ROBO1: variants seen among roughly 807,000 people sequenced by gnomAD.
The protein encoded by ROBO1 is roundabout guidance receptor 1.
In ROBO1, 149 loss-of-function variants were observed where a neutral mutation model predicts 195.9. The ratio of observed to expected loss-of-function variants is 0.76; its 90% CI spans 0.67 to 0.87. The LOEUF is 0.87. ROBO1 is among the 40% of genes least tolerant of loss of function. The pLI, the probability that ROBO1 is intolerant of heterozygous loss-of-function variation, is 0.00. For missense variants in ROBO1, 1,933 were observed against 2,068.3 expected, an observed-to-expected ratio of 0.93 and a Z score of 1.27; for synonymous variants, 816 against 733.2, an observed-to-expected ratio of 1.11 and a Z score of -1.82.
intron 1 of ROBO1, among the ~76,000 whole-genome samples, chr3:79,702,363 T>A (rs1947644598): frequency 6.6e-6 from 1 of 151,896 alleles, no homozygotes; most frequent in Non-Finnish European, 1.5e-5. Flanking sequence ...TGAGGGGATT[T>A]ATAAAGTCCT....
intron 1 of ROBO1, among the ~76,000 whole-genome samples, chr3:79,721,423 T>C (rs2107296674): frequency 6.6e-6 from 1 of 152,300 alleles, no homozygotes; most frequent in East Asian, 1.9e-4. Context: ...ATAAAACTCA[T>C]GAATCTTTAA....
intron 4 of ROBO1, among the ~76,000 whole-genome samples, chr3:78,874,271 T>A (rs938619193): frequency 6.6e-6 from 1 of 151,946 alleles, no homozygotes; most frequent in Admixed American, 6.6e-5. Flanking sequence ...AAATACACCT[T>A]TATTTCATTA....
At chr3:79,030,877 ACAC>A (rs2078283417) in intron 3 of ROBO1, among the ~76,000 whole-genome samples, 1 of 152,086 alleles carries the variant, frequency 6.6e-6, no homozygotes, top group African/African-American at 2.4e-5. Context: ...ACGCACTGCC[ACAC>A]CCAGCTAATT....
At chr3:79,222,239 T>G (rs2082153305) in intron 2 of ROBO1, among the ~76,000 whole-genome samples, 1 of 152,100 alleles carries the variant, frequency 6.6e-6, no homozygotes, top group South Asian at 2.1e-4. Flanking sequence ...AAATATTTCA[T>G]GTGTGATGTA....
intron 3 of ROBO1, among the ~76,000 whole-genome samples, chr3:79,104,710 A>G (rs2079744850): frequency 6.6e-6 from 1 of 151,760 alleles, no homozygotes. Context: ...CTACTTTACT[A>G]GATTATTGTA....
intron 2 of ROBO1, among the ~76,000 whole-genome samples, chr3:79,491,085 T>C (rs1453261833): frequency 6.6e-6 from 1 of 152,094 alleles, no homozygotes; most frequent in Admixed American, 6.5e-5. Flanking sequence ...TATTGTGTTG[T>C]GCAGGAGCCT....
chr3:79,174,237 G>A (rs559683916), intron 2 of ROBO1, among the ~76,000 whole-genome samples: 1 of 151,984 alleles, frequency 6.6e-6, no homozygotes, highest in African/African-American at 2.4e-5. Context: ...CACTCACTGC[G>A]AAGGTCTGCA....
intron 2 of ROBO1, among the ~76,000 whole-genome samples, chr3:79,578,996 A>G (rs1943577783): frequency 6.6e-6 from 1 of 152,116 alleles, no homozygotes; most frequent in African/African-American, 2.4e-5. Flanking sequence ...TGTCAGCTCA[A>G]TTTCCCTCTA....
intron 2 of ROBO1, among the ~76,000 whole-genome samples, chr3:79,416,514 G>A (rs1401156153): frequency 6.6e-6 from 1 of 150,974 alleles, no homozygotes; most frequent in African/African-American, 2.4e-5. Context: ...AGGCTGATGT[G>A]GGACGATTGT....
At chr3:79,627,007 C>G (rs1248623069) in intron 1 of ROBO1, among the ~76,000 whole-genome samples, 1 of 151,110 alleles carries the variant, frequency 6.6e-6, no homozygotes, top group Admixed American at 6.6e-5. Context: ...AAGGGATGAC[C>G]TAAACAGAAA....
Position 78,711,677 on chromosome 3 carries a change from TG to T in ROBO1, c.1045+2719del, listed in dbSNP as rs553073796. Reference sequence around the variant, plus strand: ...ATTTTTTTTGTATTTTTGGTAGAAATGGGGTTTCACCATGTTAGTCAGGCCG... The same window carrying T: ...ATTTTTTTTGTATTTTTGGTAGAAATGGGTTTCACCATGTTAGTCAGGCCG... On this transcript the variant is annotated intron_variant, in intron 8 of 30. Coordinates refer to ENST00000464233, the MANE Select transcript of ROBO1 (RefSeq NM_002941.4). Among the ~76,000 whole-genome samples, 19 of 149,928 alleles carry T rather than the reference TG, an allele frequency of 1.3e-4. No homozygotes were observed. The South Asian group carries it at 3.8e-3, about 30-fold the overall frequency.
chr3:79,312,864 A>T (rs1385036635), intron 2 of ROBO1, among the ~76,000 whole-genome samples: 8 of 152,232 alleles, frequency 5.3e-5, no homozygotes, highest in Admixed American at 5.2e-4. Context: ...CTAATTCAGC[A>T]TATTAAATAT....
intron 26 of ROBO1, among the ~76,000 whole-genome samples, chr3:78,618,783 T>C (rs1439119299): frequency 1.3e-5 from 2 of 152,040 alleles, no homozygotes; most frequent in Non-Finnish European, 2.9e-5. Flanking sequence ...AGAACCAGAG[T>C]TGAGGACAAA....
chr3:79,004,975 C>G (rs2077587937), intron 3 of ROBO1, among the ~76,000 whole-genome samples: 1 of 152,190 alleles, frequency 6.6e-6, no homozygotes, highest in Admixed American at 6.5e-5. Context: ...CCAATATATT[C>G]TCACTACATT....
chr3:78,946,761 C>T (rs1370907641), intron 3 of ROBO1, among the ~76,000 whole-genome samples: 3 of 152,144 alleles, frequency 2.0e-5, no homozygotes, highest in African/African-American at 7.2e-5. Context: ...CATCAGTGTG[C>T]TGTATTCAGG....
At chr3:79,190,876 C>A (rs2081528313) in intron 2 of ROBO1, among the ~76,000 whole-genome samples, 1 of 151,344 alleles carries the variant, frequency 6.6e-6, no homozygotes, top group African/African-American at 2.4e-5. Context: ...GGAATGAATG[C>A]AAAAAAATCA....
chr3:79,471,368 C>T (rs933657028), intron 2 of ROBO1, among the ~76,000 whole-genome samples: 1 of 152,074 alleles, frequency 6.6e-6, no homozygotes, highest in Non-Finnish European at 1.5e-5. Context: ...AAGAGACAAC[C>T]TATAAAACAG....
At chr3:78,787,021 G>A (rs971850647) in intron 4 of ROBO1, among the ~76,000 whole-genome samples, 4 of 152,136 alleles carry the variant, frequency 2.6e-5, no homozygotes, top group Non-Finnish European at 5.9e-5. Context: ...TCCACCTTCA[G>A]TTCATAGCAG....
At chr3:79,313,824 T>A (rs1241320907) in intron 2 of ROBO1, among the ~76,000 whole-genome samples, 1 of 152,178 alleles carries the variant, frequency 6.6e-6, no homozygotes, top group East Asian at 1.9e-4. Flanking sequence ...TTAAAAAGGC[T>A]TTTATGCTAT....
Sources: gnomAD v4.1 joint callset for allele counts (sites outside exome capture counted in the v4.1 genomes callset) on GRCh38, gnomAD v4.1.1 for gene constraint, MANE v1.5 for transcripts, NCBI Gene and HGNC (gene_info 2026-07-23, HGNC 2026-07-21) for gene names.